PCDHGA8: variants seen among roughly 807,000 people sequenced by gnomAD.
The protein encoded by PCDHGA8 is protocadherin gamma subfamily A, 8.
Under a neutral mutation model 59.2 loss-of-function variants are expected in PCDHGA8, and 45 were observed. That is an observed-to-expected ratio of 0.76 (90% CI 0.60 to 0.98). PCDHGA8 has a LOEUF of 0.98. Among genes scored for constraint, PCDHGA8 ranks in the 50% least tolerant of loss-of-function variants. The pLI is 0.00. For synonymous variants in PCDHGA8, 531 were observed against 519.0 expected (o/e 1.02, Z -0.32); for missense variants, 1,257 against 1,196.2 (o/e 1.05, Z -0.75).
At chr5:141,421,880 G>C in intron 1 of PCDHGA8, 1 of 1,613,718 alleles carries the variant, frequency 6.2e-7, no homozygotes, top group Admixed American at 1.7e-5. Flanking sequence ...GCTTTAGATG[G>C]AGGCGATCCC....
chr5:141,486,653 C>G lies in PCDHGA8; in HGVS notation c.2425-8154C>G. On this transcript the variant is annotated intron_variant, in intron 1 of 3. Transcript: ENST00000398604. This position sits in a 1 kb window ranked among gnomAD's most constrained non-coding sequence, Gnocchi z 5.0. ...CTTGAATGCGCTTATCTCCTACTCA[C>G]TCCTGGAGCCCAGGAATCGAGATGT... is the stretch of plus-strand genomic sequence containing the variant. 1 of 1,613,968 alleles carries G rather than the reference C, an allele frequency of 6.2e-7. No individual in the cohort carries two copies. Among genetic ancestry groups the G allele is most frequent in the Non-Finnish European group, 8.5e-7 (1 of 1,180,034 alleles).
At chr5:141,424,700 T>C (rs1359856009) in intron 1 of PCDHGA8, 3 of 152,228 alleles carry the variant, frequency 2.0e-5, no homozygotes, top group African/African-American at 7.2e-5. Context: ...TATTTTTTTG[T>C]TCATTTTCAG....
At chr5:141,444,626 A>G (rs542390437) in intron 1 of PCDHGA8, among the ~76,000 whole-genome samples, 74 of 152,288 alleles carry the variant, frequency 4.9e-4, no homozygotes, top group African/African-American at 1.7e-3. Flanking sequence ...GGCATGATGC[A>G]CCAGTTCATT....
intron 1 of PCDHGA8, chr5:141,410,939 C>T (rs960754863): frequency 5.1e-5 from 10 of 195,446 alleles, no homozygotes; most frequent in South Asian, 1.1e-4. Flanking sequence ...CTGCAACCTC[C>T]GCCTTCTGGG....
chr5:141,419,621 G>T, intron 1 of PCDHGA8: 2 of 1,612,306 alleles, frequency 1.2e-6, no homozygotes, highest in Non-Finnish European at 1.7e-6. Context: ...AGGCTACCTG[G>T]TGACCAAGGT....
rs368585389 is a variant in PCDHGA8, at chr5:141,419,428, G to A, written c.2424+24191G>A. On this transcript the variant is annotated intron_variant, in intron 1 of 3. Coordinates refer to ENST00000398604, the MANE Select transcript of PCDHGA8 (RefSeq NM_032088.2). ...TCGCGCAGCGCGCCTTCGACCACGAGCAGCTGCGCACCTTCGAGCTCACGC... is the reference window on the plus strand; with the variant it reads ...TCGCGCAGCGCGCCTTCGACCACGAACAGCTGCGCACCTTCGAGCTCACGC... 4 of 1,613,192 alleles carry A rather than the reference G, an allele frequency of 2.5e-6. No individual in the cohort carries two copies. In the African/African-American group the frequency reaches 4.0e-5, roughly 16 times the overall value.
Position 141,476,241 on chromosome 5 carries a change from A to G in PCDHGA8, c.2425-18566A>G, listed in dbSNP as rs375405507. ...CACTATGAGATCCCGGAGGAAAGAG[A>G]GAAGGGTTTCGCTGTGGGCAACGTG... On this transcript the variant is annotated intron_variant, in intron 1 of 3. Transcript: ENST00000398604. The surrounding 1 kb of genome is among the most constrained non-coding windows in gnomAD (Gnocchi z 7.6). 3.7e-6 allele frequency: 6 copies of G among 1,613,626 alleles called. No homozygotes were observed. The highest frequency in any genetic ancestry group is 2.2e-5 in the East Asian group (1 of 44,834).
intron 1 of PCDHGA8, among the ~76,000 whole-genome samples, chr5:141,455,177 T>C (rs2098816411): frequency 6.6e-6 from 1 of 152,040 alleles, no homozygotes; most frequent in Non-Finnish European, 1.5e-5. Context: ...TTTTAGTTTT[T>C]TTATTTCTCT....
chr5:141,438,651 CAT>C (rs2098045358), intron 1 of PCDHGA8, among the ~76,000 whole-genome samples: 1 of 83,744 alleles, frequency 1.2e-5, no homozygotes, highest in East Asian at 3.2e-4. Context: ...CACACACACA[CAT>C]ATATGTATAT....
Position 141,485,190 on chromosome 5 carries a change from G to C in PCDHGA8, c.2425-9617G>C. 6.2e-7 allele frequency: 1 copy of C among 1,613,920 alleles called. No individual in the cohort carries two copies. Among genetic ancestry groups the C allele is most frequent in the Non-Finnish European group, 8.5e-7 (1 of 1,179,788 alleles). Reference sequence around the variant, plus strand: ...GCGGCAGCAATGCTCCGCAAGGTGAGAAGCTGGACAGAAATCTGGCGGTGG... The same window carrying C: ...GCGGCAGCAATGCTCCGCAAGGTGACAAGCTGGACAGAAATCTGGCGGTGG... On this transcript the variant is annotated intron_variant, in intron 1 of 3. Coordinates refer to ENST00000398604, the MANE Select transcript of PCDHGA8 (RefSeq NM_032088.2). This position sits in a 1 kb window ranked among gnomAD's most constrained non-coding sequence, Gnocchi z 5.7.
chr5:141,497,804 T>G (rs1196976996), intron 2 of PCDHGA8, among the ~76,000 whole-genome samples: 1 of 152,186 alleles, frequency 6.6e-6, no homozygotes, highest in Non-Finnish European at 1.5e-5. Context: ...CTTCCCAAAG[T>G]GCTAGAATTA....
Position 141,394,549 on chromosome 5 carries a change from C to T in PCDHGA8, c.1736C>T (p.Pro579Leu). 1 of 1,614,140 alleles carries T rather than the reference C, an allele frequency of 6.2e-7. No individual in the cohort carries two copies. Among genetic ancestry groups the T allele is most frequent in the Non-Finnish European group, 8.5e-7 (1 of 1,180,046 alleles). ...GGTTCCACTGGCGTGGAGCTGGCGC[C>T]CCGCTCCGCAGAGCGTGGCTACCTG... ...TDGSTGVELA[P>L]RSAERGYLVT... The change falls in exon 1 of 4, where the codon CCC becomes CTC. Residue 579 changes from proline (P) to leucine (L), a missense_variant. Coordinates refer to ENST00000398604, the MANE Select transcript of PCDHGA8 (RefSeq NM_032088.2).
intron 1 of PCDHGA8, chr5:141,398,585 T>C (rs200356405): frequency 1.9e-6 from 3 of 1,614,080 alleles, no homozygotes; most frequent in Non-Finnish European, 2.5e-6. Flanking sequence ...ACAAGATTTA[T>C]ACTAGAAGTA....
In PCDHGA8 at chr5:141,477,696, A is replaced by T. The variant is rs778604051; in HGVS notation, c.2425-17111A>T. The T allele has an allele frequency of 2.1e-5, 34 of 1,614,054 alleles. No individual in the cohort carries two copies. Among genetic ancestry groups the T allele is most frequent in the Non-Finnish European group, 2.9e-5 (34 of 1,180,044 alleles). On this transcript the variant is annotated intron_variant, in intron 1 of 3. Transcript: ENST00000398604. This position sits in a 1 kb window ranked among gnomAD's most constrained non-coding sequence, Gnocchi z 4.9. ...GTGTCATCCTTAGTGCCCCTAGACT[A>T]TGAGGATCGGCGGGAATTTGAATTA...
intron 1 of PCDHGA8, chr5:141,400,105 T>C (rs1282646842): frequency 6.2e-7 from 1 of 1,613,938 alleles, no homozygotes; most frequent in Non-Finnish European, 8.5e-7. Context: ...GCACTTGGTC[T>C]TTGCTGACAG....
chr5:141,405,185 G>C (rs777099869), intron 1 of PCDHGA8: 4 of 1,613,066 alleles, frequency 2.5e-6, no homozygotes, highest in Non-Finnish European at 3.4e-6. Context: ...GGGTGTAGAT[G>C]GGGTTCGAGC....
At chr5:141,456,217 A>G (rs1328039447) in intron 1 of PCDHGA8, among the ~76,000 whole-genome samples, 1 of 152,064 alleles carries the variant, frequency 6.6e-6, no homozygotes, top group East Asian at 1.9e-4. Context: ...CCCTGTGGCG[A>G]TATCAAACTA....
chr5:141,402,871 A>G, intron 1 of PCDHGA8: 1 of 1,452,626 alleles, frequency 6.9e-7, no homozygotes, highest in Non-Finnish European at 9.1e-7. Context: ...AAAGATCACC[A>G]TACTTTGCAG....
At chr5:141,488,438 C>T (rs2099675393) in intron 1 of PCDHGA8, among the ~76,000 whole-genome samples, 1 of 152,146 alleles carries the variant, frequency 6.6e-6, no homozygotes, top group African/African-American at 2.4e-5. Flanking sequence ...CTCTGACCAC[C>T]CTCCTGGGTG....
Sources: gnomAD v4.1 joint callset for allele counts (sites outside exome capture counted in the v4.1 genomes callset) on GRCh38, gnomAD v4.1.1 for gene constraint, Gnocchi (gnomAD v3.1) non-coding constraint, MANE v1.5 for transcripts, NCBI Gene and HGNC (gene_info 2026-07-23, HGNC 2026-07-21) for gene names.